FRMD4A: variants seen among roughly 807,000 people sequenced by gnomAD.
FRMD4A encodes FERM domain-containing protein 4A.
Under a neutral mutation model 129.1 loss-of-function variants are expected in FRMD4A, and 29 were observed. The observed-to-expected ratio is 0.22, with a 90% CI of 0.17 to 0.31. FRMD4A has a LOEUF of 0.31. Ranked by LOEUF, FRMD4A falls within the 10% of genes least tolerant of loss-of-function variation. The pLI is 1.00. For missense variants in FRMD4A, 1,272 were observed against 1,375.8 expected (o/e 0.92, Z 1.19); for synonymous variants, 634 against 571.6 (o/e 1.11, Z -1.56).
intron 2 of FRMD4A, among the ~76,000 whole-genome samples, chr10:14,256,288 C>T (rs1844612102): frequency 6.6e-6 from 1 of 151,886 alleles, no homozygotes; most frequent in Admixed American, 6.6e-5. Flanking sequence ...ATATAAAAGA[C>T]TTACAAAAAA....
chr10:13,681,868 T>C (rs2084623138), intron 15 of FRMD4A, among the ~76,000 whole-genome samples: 1 of 152,154 alleles, frequency 6.6e-6, no homozygotes, highest in South Asian at 2.1e-4. Flanking sequence ...GCTTAGAAGA[T>C]GCTTGGAAGA....
rs2095644073 is a variant in FRMD4A at position 14,001,880 on chromosome 10, A to C, written c.46-142968T>G. On this transcript the variant is annotated intron_variant, in intron 2 of 24. Coordinates refer to ENST00000357447, the MANE Select transcript of FRMD4A (RefSeq NM_018027.5). ...CTCAATGGTAATAAATATCCACTGA[A>C]AGCCGTCTGCTGTATGTGTTTTTGG... Among the ~76,000 whole-genome samples, 3 of 152,338 alleles carry C rather than the reference A, an allele frequency of 2.0e-5. No individual in the cohort carries two copies. In the South Asian group the frequency reaches 6.2e-4, roughly 32 times the overall value.
chr10:13,654,371 A>G, intron 23 of FRMD4A, 45 bp downstream of exon 23: 1 of 1,206,828 alleles, frequency 8.3e-7, no homozygotes. Context: ...CGTCTATGAC[A>G]CTCTTTCGAG....
chr10:14,251,336 C>T (rs1006135688), intron 2 of FRMD4A, among the ~76,000 whole-genome samples: 1 of 152,120 alleles, frequency 6.6e-6, no homozygotes, highest in Admixed American at 6.5e-5. Context: ...AGGCCAGCTG[C>T]TATGTCATGA....
rs1050180191 is a variant in FRMD4A at position 14,065,000 on chromosome 10, G to C, written c.46-206088C>G. Among the ~76,000 whole-genome samples, 6 of 152,126 alleles carry C rather than the reference G, an allele frequency of 3.9e-5. No individual in the cohort carries two copies. The East Asian group carries it at 1.2e-3, about 29-fold the overall frequency. On this transcript the variant is annotated intron_variant, in intron 2 of 24. Transcript: ENST00000357447. Reference sequence around the variant, plus strand: ...AGAGTGTTGCCACCACACATTTATTGACTACCATACTGTTTTTAAGCATTT... The same window carrying C: ...AGAGTGTTGCCACCACACATTTATTCACTACCATACTGTTTTTAAGCATTT...
chr10:14,119,075 A>G (rs1838355018), intron 2 of FRMD4A, among the ~76,000 whole-genome samples: 1 of 152,114 alleles, frequency 6.6e-6, no homozygotes, highest in East Asian at 1.9e-4. Context: ...CATGCAGATC[A>G]AGGAGGTGGC....
intron 2 of FRMD4A, among the ~76,000 whole-genome samples, chr10:14,012,478 A>G (rs1232393306): frequency 6.6e-6 from 1 of 152,180 alleles, no homozygotes; most frequent in Non-Finnish European, 1.5e-5. Flanking sequence ...CTTGGTCACG[A>G]ACAGCAGGGT....
chr10:14,290,295 A>G (rs1845811150), intron 2 of FRMD4A, among the ~76,000 whole-genome samples: 1 of 152,126 alleles, frequency 6.6e-6, no homozygotes, highest in Non-Finnish European at 1.5e-5. Flanking sequence ...GAAGAACAAA[A>G]CTGAAGGCAT....
intron 4 of FRMD4A, among the ~76,000 whole-genome samples, chr10:13,810,362 CAT>C (rs916253100): frequency 6.6e-6 from 1 of 152,072 alleles, no homozygotes; most frequent in Admixed American, 6.6e-5. Flanking sequence ...TTTTTATTTT[CAT>C]AGTCGCTTTA....
At chr10:14,112,541 T>G (rs201354170) in intron 2 of FRMD4A, among the ~76,000 whole-genome samples, 31 of 152,364 alleles carry the variant, frequency 2.0e-4, no homozygotes, top group African/African-American at 7.0e-4. Flanking sequence ...TCTTCCTTTT[T>G]TTGAGATGGA....
At chr10:13,871,079 AT>A in intron 2 of FRMD4A, 1 of 159,436 alleles carries the variant, frequency 6.3e-6, no homozygotes. Context: ...TGAAGACCCC[AT>A]TATGGGGCTC....
chr10:13,890,434 T>C, intron 2 of FRMD4A: 37 of 718,854 alleles, frequency 5.1e-5, no homozygotes, highest in Non-Finnish European at 6.0e-5. Context: ...CTCTGAGCGG[T>C]GCTTTCCCAC....
At chr10:14,099,067 T>C (rs1837160361) in intron 2 of FRMD4A, among the ~76,000 whole-genome samples, 1 of 152,158 alleles carries the variant, frequency 6.6e-6, no homozygotes, top group African/African-American at 2.4e-5. Flanking sequence ...TGGAAGCTGT[T>C]TGTGTTTGCC....
In FRMD4A at chr10:13,652,110, G is replaced by A. The variant is rs114292582; in HGVS notation, c.3051-136C>T. The A allele has an allele frequency of 3.1e-3, 2,142 of 689,444 alleles. 26 individuals are homozygous for A. The African/African-American group carries it at 0.034, about 11-fold the overall frequency. The allele number at this position is 689,444 out of a possible 1,614,324, so 42.7% of individuals were successfully genotyped here. A position where few individuals can be genotyped will look rare whatever the true frequency, so the allele number is the denominator to read the frequency against. On this transcript the variant is annotated intron_variant, in intron 23 of 24. Coordinates refer to ENST00000357447, the MANE Select transcript of FRMD4A (RefSeq NM_018027.5). ...TGATTAGACACCTGAGTTAGCAACA[G>A]ATCATACAAGTCATGCAGTACTTTC...
intron 2 of FRMD4A, among the ~76,000 whole-genome samples, chr10:14,134,248 AATGGATGGATGGATGGATGG>A (rs60021621): frequency 2.7e-5 from 4 of 149,668 alleles, no homozygotes; most frequent in Admixed American, 2.0e-4. Flanking sequence ...AATTGGAAAG[AATGGATGGATGGATGGATGG>A]ATGGATGGAT....
chr10:13,785,975 T>C (rs2092848645), intron 5 of FRMD4A, among the ~76,000 whole-genome samples: 1 of 152,222 alleles, frequency 6.6e-6, no homozygotes, highest in African/African-American at 2.4e-5. Flanking sequence ...GGCCGCATAG[T>C]ATTCCATGGT....
chr10:14,014,923 TCCTTA>T (rs1437783510), intron 2 of FRMD4A, among the ~76,000 whole-genome samples: 2 of 142,566 alleles, frequency 1.4e-5, no homozygotes, highest in African/African-American at 5.2e-5. Context: ...TTCCTTCCTT[TCCTTA>T]CTTCTTCCTT....
rs1053960554 is a variant in FRMD4A at position 13,875,105 on chromosome 10, T to G, written c.46-16193A>C. Among the ~76,000 whole-genome samples, 6 of 152,154 alleles carry G rather than the reference T, an allele frequency of 3.9e-5. No individual in the cohort carries two copies. The East Asian group carries it at 1.2e-3, about 29-fold the overall frequency. On this transcript the variant is annotated intron_variant, in intron 2 of 24. Coordinates refer to ENST00000357447, the MANE Select transcript of FRMD4A (RefSeq NM_018027.5). ...AAATGGGAGAGAACATAGAATGTTC[T>G]GGAAATGTCACCCAGGCAAAGAGCT...
rs1388047364 is a variant in FRMD4A at position 13,870,159 on chromosome 10, A to G, written c.46-11247T>C. ...ATGGGAACAGAGATGGGTGGCAGAG[A>G]GCAGCCCTTGGGCAGATCTGGACAG... is the stretch of plus-strand genomic sequence containing the variant. On this transcript the variant is annotated intron_variant, in intron 2 of 24. Coordinates refer to ENST00000357447, the MANE Select transcript of FRMD4A (RefSeq NM_018027.5). 3.3e-5 allele frequency among the ~76,000 whole-genome samples: 5 copies of G among 152,348 alleles called. No individual in the cohort carries two copies. In the East Asian group the frequency reaches 9.6e-4, roughly 29 times the overall value.
Sources: allele counts gnomAD v4.1 joint callset (sites outside exome capture counted in the v4.1 genomes callset), GRCh38; gene constraint gnomAD v4.1.1; transcripts MANE v1.5; gene names NCBI Gene and HGNC (gene_info 2026-07-23, HGNC 2026-07-21).